Variants in COMMD1 observed in about 807,000 individuals in gnomAD.
COMMD1 encodes the protein COMM domain-containing protein 1.
A neutral mutation model predicts 17.2 loss-of-function variants in COMMD1; 10 were observed. The observed-to-expected ratio is 0.58, with a 90% confidence interval of 0.36 to 0.99. COMMD1 has a LOEUF of 0.99. Among genes scored for constraint, COMMD1 ranks in the 50% least tolerant of loss-of-function variants. The probability of loss-of-function intolerance (pLI) is 0.01; values close to 1 mark genes in which losing one functional copy is unlikely to be tolerated. For synonymous variants in COMMD1, 97 were observed against 91.6 expected (o/e 1.06, Z -0.34); for missense variants, 270 against 231.8 (o/e 1.17, Z -1.07).
chr2:62,082,303 A>G (rs1466364975), intron 2 of COMMD1, among the ~76,000 whole-genome samples: 1 of 152,170 alleles, frequency 6.6e-6, no homozygotes, highest in African/African-American at 2.4e-5. Flanking sequence ...ATGTTCTCAT[A>G]CTGCATTATT....
intron 2 of COMMD1, among the ~76,000 whole-genome samples, chr2:62,041,057 C>T (rs1670179176): frequency 6.6e-6 from 1 of 152,174 alleles, no homozygotes; most frequent in Non-Finnish European, 1.5e-5. Context: ...CTGCTGTACT[C>T]TACCCCCAGA....
intron 1 of COMMD1, among the ~76,000 whole-genome samples, chr2:61,929,510 T>C (rs1670410414): frequency 6.6e-6 from 1 of 152,338 alleles, no homozygotes; most frequent in South Asian, 2.1e-4. Flanking sequence ...CATTATATCA[T>C]ACTCTTTTGC....
rs192524612 is a variant in COMMD1 at position 62,095,429 on chromosome 2, G to A, written c.463-40402G>A. Among the ~76,000 whole-genome samples, 541 of 152,018 alleles carry A rather than the reference G, an allele frequency of 3.6e-3. 5 individuals are homozygous for A. Among genetic ancestry groups the A allele is most frequent in the African/African-American group, 0.012 (500 of 41,466 alleles). On this transcript the variant is annotated intron_variant, in intron 2 of 2. Coordinates refer to ENST00000311832, the MANE Select transcript of COMMD1 (RefSeq NM_152516.4). The stretch of plus-strand genomic sequence containing the variant: ...ATCTTGAAAGTAGCAAATGCAAACC[G>A]AGAGAGCATCCCGTACTTATTGGTA...
chr2:61,997,376 TA>T (rs59337897), intron 1 of COMMD1, among the ~76,000 whole-genome samples: 160 of 144,196 alleles, frequency 1.1e-3, no homozygotes, highest in Non-Finnish European at 9.4e-4. Flanking sequence ...ATGTATTTCT[TA>T]AAAAAAAAAA....
intron 1 of COMMD1, among the ~76,000 whole-genome samples, chr2:61,911,293 G>A (rs1436676216): frequency 6.6e-6 from 1 of 152,022 alleles, no homozygotes; most frequent in Non-Finnish European, 1.5e-5. Flanking sequence ...TGGCCAACAT[G>A]GTGAAACCCC....
At chr2:61,895,562 C>T (rs1189583848) in intron 1 of COMMD1, among the ~76,000 whole-genome samples, 1 of 152,200 alleles carries the variant, frequency 6.6e-6, no homozygotes, top group Non-Finnish European at 1.5e-5. Context: ...GACCCTGCAA[C>T]AGCTCTAAGT....
chr2:61,946,876 CAT>C (rs1553371069), intron 1 of COMMD1, among the ~76,000 whole-genome samples: 1 of 152,152 alleles, frequency 6.6e-6, no homozygotes, highest in Non-Finnish European at 1.5e-5. Context: ...ACTACAAAAA[CAT>C]ATTTTGCATT....
chr2:61,939,122 T>C (rs1162601511), intron 1 of COMMD1, among the ~76,000 whole-genome samples: 2 of 152,124 alleles, frequency 1.3e-5, no homozygotes, highest in African/African-American at 4.8e-5. Context: ...TTAGGCTTAT[T>C]ATACTTTGCC....
intron 1 of COMMD1, among the ~76,000 whole-genome samples, chr2:61,949,793 C>T (rs1215300640): frequency 2.0e-5 from 3 of 152,168 alleles, no homozygotes; most frequent in Non-Finnish European, 2.9e-5. Flanking sequence ...AAAGAGATGA[C>T]GCAGGCCCTT....
At chr2:61,930,514 C>T (rs928271940) in intron 1 of COMMD1, among the ~76,000 whole-genome samples, 1 of 151,980 alleles carries the variant, frequency 6.6e-6, no homozygotes, top group South Asian at 2.1e-4. Flanking sequence ...CGAGATAATG[C>T]CATTGCACTC....
At chr2:61,956,397 T>A (rs982613496) in intron 1 of COMMD1, among the ~76,000 whole-genome samples, 1 of 152,186 alleles carries the variant, frequency 6.6e-6, no homozygotes, top group African/African-American at 2.4e-5. Flanking sequence ...CACCTCAAAA[T>A]TAATTCCTTG....
chr2:62,079,348 T>G (rs1671451112), intron 2 of COMMD1, among the ~76,000 whole-genome samples: 1 of 152,214 alleles, frequency 6.6e-6, no homozygotes, highest in Non-Finnish European at 1.5e-5. Flanking sequence ...CTACAAGCAT[T>G]CGTTCTTAAT....
intron 1 of COMMD1, among the ~76,000 whole-genome samples, chr2:61,925,456 G>C (rs1558523613): frequency 6.6e-6 from 1 of 152,054 alleles, no homozygotes; most frequent in East Asian, 1.9e-4. Flanking sequence ...GGTTAATTTT[G>C]CCACATATCA....
chr2:61,935,779 A>G (rs2103621487), intron 1 of COMMD1, among the ~76,000 whole-genome samples: 1 of 152,304 alleles, frequency 6.6e-6, no homozygotes, highest in East Asian at 1.9e-4. Context: ...ATATAAGTGC[A>G]GCAAGAATGA....
At chr2:62,120,201 T>C (rs887658707) in intron 2 of COMMD1, among the ~76,000 whole-genome samples, 3 of 152,116 alleles carry the variant, frequency 2.0e-5, no homozygotes, top group African/African-American at 7.2e-5. Context: ...GGTTTCACCA[T>C]GTTGCCCAGG....
chr2:61,915,717 A>G (rs2105185217), intron 1 of COMMD1: 1 of 453,532 alleles, frequency 2.2e-6, no homozygotes, highest in East Asian at 7.0e-5. Context: ...GGGTGGTCTC[A>G]AATTCCTGGG....
intron 1 of COMMD1, among the ~76,000 whole-genome samples, chr2:61,931,574 G>C (rs1382190481): frequency 6.6e-6 from 1 of 152,180 alleles, no homozygotes; most frequent in East Asian, 1.9e-4. Flanking sequence ...TCCTCAGATT[G>C]GTCTATTCTT....
chr2:61,972,086 C>T (rs144768417), intron 1 of COMMD1, among the ~76,000 whole-genome samples: 45 of 152,100 alleles, frequency 3.0e-4, no homozygotes, highest in African/African-American at 9.4e-4. Flanking sequence ...TGCCACTGCA[C>T]GCCAGCCTGG....
At chr2:62,033,351 T>C (rs1483516585) in intron 2 of COMMD1, among the ~76,000 whole-genome samples, 1 of 152,242 alleles carries the variant, frequency 6.6e-6, no homozygotes, top group East Asian at 1.9e-4. Flanking sequence ...TTTACTTACC[T>C]TTCTCCTCAG....
Sources: gnomAD v4.1 joint callset for allele counts (sites outside exome capture counted in the v4.1 genomes callset) on GRCh38, gnomAD v4.1.1 for gene constraint, MANE v1.5 for transcripts, NCBI Gene and HGNC (gene_info 2026-07-23, HGNC 2026-07-21) for gene names.